SPTB: variants seen among roughly 807,000 people sequenced by gnomAD.
SPTB encodes spectrin beta, erythrocytic.
In SPTB, 45 loss-of-function variants were observed where a neutral mutation model predicts 256.2. The ratio of observed to expected loss-of-function variants is 0.18; its 90% confidence interval spans 0.14 to 0.23. The LOEUF is 0.23. SPTB is among the 10% of genes least tolerant of loss of function. The pLI is 1.00. For missense variants in SPTB, 2,715 were observed against 3,040.4 expected, an observed-to-expected ratio of 0.89 and a Z score of 2.52; for synonymous variants, 1,231 against 1,243.1, an observed-to-expected ratio of 0.99 and a Z score of 0.21.
chr14:64,753,446 G>T, intron 33 of SPTB, 91 bp downstream of exon 33: 1 of 1,595,794 alleles, frequency 6.3e-7, no homozygotes, highest in Non-Finnish European at 8.5e-7. Flanking sequence ...CCCTCCCCCA[G>T]CACATGCCCA....
chr14:64,805,183 C>T, intron 2 of SPTB, 93 bp from the exon 3 acceptor site: 1 of 1,443,992 alleles, frequency 6.9e-7, no homozygotes, highest in Non-Finnish European at 9.7e-7. Flanking sequence ...CCCAGGGTAC[C>T]CCCATGCTTG....
Position 64,777,328 on chromosome 14 carries a change from G to C in SPTB, c.4563+1829C>G, listed in dbSNP as rs2082377466. Among the ~76,000 whole-genome samples the C allele has an allele frequency of 6.6e-6, 1 of 152,208 alleles. No homozygotes were observed. Among genetic ancestry groups the C allele is most frequent in the Non-Finnish European group, 1.5e-5 (1 of 68,034 alleles). On this transcript the variant is annotated intron_variant, in intron 22 of 35. Transcript: ENST00000644917. The surrounding 1 kb of genome is among the most constrained non-coding windows in gnomAD (Gnocchi z 4.5). ...TCAGAAGCAGGCAGGGGTCAGGTCA[G>C]GCAAGAGTGGTTCTTAATCCTGATT... is the stretch of plus-strand genomic sequence containing the variant.
At chr14:64,791,610 A>C in intron 15 of SPTB, 109 bp downstream of exon 15, 1 of 855,038 alleles carries the variant, frequency 1.2e-6, no homozygotes, top group Non-Finnish European at 1.9e-6. Flanking sequence ...TGTTGAGGGT[A>C]TAGAAGTGTT....
At chr14:64,874,228 T>C (rs569261466) in intron 1 of SPTB, among the ~76,000 whole-genome samples, 1 of 152,300 alleles carries the variant, frequency 6.6e-6, no homozygotes, top group Admixed American at 6.5e-5. Flanking sequence ...TCATCCTCCC[T>C]TCTTCCATTA....
chr14:64,767,257 C>T (rs2082199844), intron 31 of SPTB, 46 bp downstream of exon 31: 2 of 1,612,028 alleles, frequency 1.2e-6, no homozygotes, highest in African/African-American at 1.3e-5. Flanking sequence ...CCCCTACTCC[C>T]ACTTGGCAGA....
In SPTB at chr14:64,806,014, G is replaced by A. The variant is rs2082976594; in HGVS notation, c.149-924C>T. Among the ~76,000 whole-genome samples the A allele has an allele frequency of 6.6e-6, 1 of 152,030 alleles. No homozygotes were observed. Among genetic ancestry groups the A allele is most frequent in the African/African-American group, 2.4e-5 (1 of 41,360 alleles). ...CCCATGCTGTACCAGTTCAGGTGGG[G>A]TACTTCTTACTGCCTCTGTACAAAT... On this transcript the variant is annotated intron_variant, in intron 2 of 35. Coordinates refer to ENST00000644917, the MANE Select transcript of SPTB (RefSeq NM_001355436.2). The surrounding 1 kb of genome is among the most constrained non-coding windows in gnomAD (Gnocchi z 4.1).
In SPTB at chr14:64,805,108, C is replaced by A; in HGVS notation, c.149-18G>T. On this transcript the variant is annotated intron_variant, in intron 2 of 35. Transcript: ENST00000644917. ...CCGCTCATCTAGGTGGAGAGAAGAA[C>A]CTTGGTGAGGTGCCTGAGGTTGGCA... 2 of 1,614,090 alleles carry A rather than the reference C, an allele frequency of 1.2e-6. No individual in the cohort carries two copies. The highest frequency in any genetic ancestry group is 1.7e-5 in the Admixed American group (1 of 60,008).
chr14:64,833,806 G>A (rs140322240), intron 1 of SPTB, among the ~76,000 whole-genome samples: 13 of 152,234 alleles, frequency 8.5e-5, no homozygotes, highest in South Asian at 6.2e-4. Flanking sequence ...GCTAAAGATC[G>A]TTTGTTGAAT....
Position 64,778,475 on chromosome 14 carries a change from C to T in SPTB, c.4563+682G>A, listed in dbSNP as rs1264240474. Among the ~76,000 whole-genome samples, 2 of 152,164 alleles carry T rather than the reference C, an allele frequency of 1.3e-5. No individual in the cohort carries two copies. The highest frequency in any genetic ancestry group is 2.9e-5 in the Non-Finnish European group (2 of 68,034). On this transcript the variant is annotated intron_variant, in intron 22 of 35. Coordinates refer to ENST00000644917, the MANE Select transcript of SPTB (RefSeq NM_001355436.2). This position sits in a 1 kb window ranked among gnomAD's most constrained non-coding sequence, Gnocchi z 5.2. ...GCCATTCCCCTGGCCGCTGCGACCC[C>T]ACACAGCCAGCTTCCTTACATGATT...
At chr14:64,773,140 CTCTG>C in intron 25 of SPTB, 76 bp downstream of exon 25, 1 of 1,588,932 alleles carries the variant, frequency 6.3e-7, no homozygotes, top group Non-Finnish European at 8.6e-7. Flanking sequence ...CTATGCAGCA[CTCTG>C]TGTGTCTTGA....
Position 64,837,531 on chromosome 14 carries a change from A to C in SPTB, c.-51-14386T>G, listed in dbSNP as rs1294918198. Among the ~76,000 whole-genome samples the C allele has an allele frequency of 5.3e-5, 8 of 152,208 alleles. No individual in the cohort carries two copies. The East Asian group carries it at 1.5e-3, about 29-fold the overall frequency. ...TCACTTCTCTCTAAACTGATCTATA[A>C]ATTCAAAGCAATGCCAGTCAAAATC... is the stretch of plus-strand genomic sequence containing the variant. On this transcript the variant is annotated intron_variant, in intron 1 of 35. Transcript: ENST00000644917.
rs1424353897 is a variant in SPTB at position 64,812,240 on chromosome 14, C to T, written c.149-7150G>A. Among the ~76,000 whole-genome samples the T allele has an allele frequency of 4.6e-5, 7 of 152,332 alleles. No individual in the cohort carries two copies. The South Asian group carries it at 6.2e-4, about 14-fold the overall frequency. ...CTGGGATTACAGGCGTGAGCCAACG[C>T]GCCCAGCCTAAAGAAAATATTAACA... On this transcript the variant is annotated intron_variant, in intron 2 of 35. Transcript: ENST00000644917.
In SPTB at chr14:64,775,449, G is replaced by C. The variant is rs61392811; in HGVS notation, c.4564-46C>G. ...TCGGGGCAGGGCCTTCCCACCATGC[G>C]GGGGAGGCTGCTTCAGCAGTGGCAG... is the stretch of plus-strand genomic sequence containing the variant. On this transcript the variant is annotated intron_variant, in intron 22 of 35. Coordinates refer to ENST00000644917, the MANE Select transcript of SPTB (RefSeq NM_001355436.2). This position sits in a 1 kb window ranked among gnomAD's most constrained non-coding sequence, Gnocchi z 5.0. 14 of 1,582,734 alleles carry C rather than the reference G, an allele frequency of 8.8e-6. No homozygotes were observed. Among genetic ancestry groups the C allele is most frequent in the South Asian group, 1.2e-5 (1 of 86,836 alleles).
intron 20 of SPTB, among the ~76,000 whole-genome samples, chr14:64,781,464 A>C (rs1594769060): frequency 6.6e-6 from 1 of 152,254 alleles, no homozygotes; most frequent in East Asian, 1.9e-4. Flanking sequence ...ATATGAAAAA[A>C]AGCTTAATAT....
chr14:64,777,236 G>A lies in SPTB; in HGVS notation c.4564-1833C>T, dbSNP rs1412373394. 2.0e-5 allele frequency among the ~76,000 whole-genome samples: 3 copies of A among 152,208 alleles called. No homozygotes were observed. Among genetic ancestry groups the A allele is most frequent in the African/African-American group, 7.2e-5 (3 of 41,438 alleles). On this transcript the variant is annotated intron_variant, in intron 22 of 35. Coordinates refer to ENST00000644917, the MANE Select transcript of SPTB (RefSeq NM_001355436.2). This position sits in a 1 kb window ranked among gnomAD's most constrained non-coding sequence, Gnocchi z 4.5. Reference sequence around the variant, plus strand: ...GGGTGGACATGAGCTGGGACCGTCTGAGGCCACAGAGAGGGCCAGAAGAGC... The same window carrying A: ...GGGTGGACATGAGCTGGGACCGTCTAAGGCCACAGAGAGGGCCAGAAGAGC...
intron 2 of SPTB, among the ~76,000 whole-genome samples, chr14:64,812,303 T>C (rs996531516): frequency 3.9e-5 from 6 of 152,202 alleles, no homozygotes; most frequent in Non-Finnish European, 8.8e-5. Context: ...ATAGCCTAAT[T>C]CCTTTCATGT....
At chr14:64,879,484 C>T (rs1005142473) in intron 1 of SPTB, among the ~76,000 whole-genome samples, 1 of 152,228 alleles carries the variant, frequency 6.6e-6, no homozygotes, top group Non-Finnish European at 1.5e-5. Flanking sequence ...CCCCCGTCAC[C>T]CTCTCCCTGC....
intron 9 of SPTB, among the ~76,000 whole-genome samples, chr14:64,798,982 G>T (rs530264712): frequency 6.6e-6 from 1 of 152,276 alleles, no homozygotes; most frequent in Admixed American, 6.5e-5. Context: ...CACATGCATG[G>T]TTGTATATAT....
At chr14:64,833,787 A>G (rs1441272733) in intron 1 of SPTB, among the ~76,000 whole-genome samples, 1 of 152,200 alleles carries the variant, frequency 6.6e-6, no homozygotes, top group Non-Finnish European at 1.5e-5. Flanking sequence ...TGCCAGGTAC[A>G]TGAAATAAGC....
Sources: gnomAD v4.1 joint callset for allele counts (sites outside exome capture counted in the v4.1 genomes callset) on GRCh38, gnomAD v4.1.1 for gene constraint, Gnocchi (gnomAD v3.1) non-coding constraint, MANE v1.5 for transcripts, NCBI Gene and HGNC (gene_info 2026-07-23, HGNC 2026-07-21) for gene names.